UNC13B: variants seen among roughly 807,000 people sequenced by gnomAD.
The protein encoded by UNC13B is unc-13 homolog B.
A neutral mutation model predicts 211.0 loss-of-function variants in UNC13B; 144 were observed. The ratio of observed to expected loss-of-function variants is 0.68; its 90% confidence interval spans 0.60 to 0.78. The LOEUF (loss-of-function observed/expected upper bound fraction) is 0.78. UNC13B is among the 30% of genes least tolerant of loss of function. UNC13B has a pLI of 0.00. For missense variants in UNC13B, 1,777 were observed against 2,002.0 expected (o/e 0.89, Z 2.14); for synonymous variants, 709 against 725.8 (o/e 0.98, Z 0.37).
At position 35,298,729 on chromosome 9, in the gene UNC13B, C is replaced by T. The variant is rs539657002; in HGVS notation, c.762-1437C>T. On this transcript the variant is annotated intron_variant, in intron 8 of 39. Transcript: ENST00000635942. ...AAGAACACACTGAACTCATAAGCTC[C>T]TAGCCTTTAGGTTCTTTCTCCATCC... 1.1e-4 allele frequency among the ~76,000 whole-genome samples: 17 copies of T among 152,238 alleles called. No individual in the cohort carries two copies. The East Asian group carries it at 3.1e-3, about 28-fold the overall frequency.
intron 1 of UNC13B, among the ~76,000 whole-genome samples, chr9:35,210,860 AT>A (rs1823928644): frequency 6.6e-6 from 1 of 152,102 alleles, no homozygotes; most frequent in South Asian, 2.1e-4. Context: ...GTTAGTGGTC[AT>A]TGTTGCAGAA....
In UNC13B at chr9:35,306,211, TA is replaced by T; in HGVS notation, c.6808del (p.Ser2270AlafsTer2). On this transcript the variant is annotated frameshift_variant, in exon 9 of 40. Coordinates refer to ENST00000635942, the MANE Select transcript of UNC13B (RefSeq NM_001371189.2). LOFTEE classifies it high-confidence loss of function. The part of the protein sequence containing the change: ...TRESSSGHRD[S>X]IAQEVVHEQQ... ...GAGAAAGTTCCAGTGGTCATAGAGA[TA>T]GCATAGCCCAAGAAGTAGTTCATGA... 2.5e-6 allele frequency: 1 copy of T among 399,036 alleles called. No homozygotes were observed. The highest frequency in any genetic ancestry group is 4.4e-6 in the Non-Finnish European group (1 of 226,048). 24.7% of individuals were successfully genotyped at this position (399,036 alleles called of 1,614,324 possible). A position where few individuals can be genotyped will look rare whatever the true frequency, so the allele number is the denominator to read the frequency against.
Position 35,303,054 on chromosome 9 carries a change from A to G in UNC13B, c.3650A>G (p.Asp1217Gly). The G allele has an allele frequency of 2.5e-6, 1 of 398,776 alleles. No individual in the cohort carries two copies. The highest frequency in any genetic ancestry group is 4.4e-6 in the Non-Finnish European group (1 of 225,810). 24.7% of individuals were successfully genotyped at this position (398,776 alleles called of 1,614,324 possible). Residue 1217 changes from aspartate (D) to glycine (G), a missense_variant, in exon 9 of 40, where the codon GAT becomes GGT. Physicochemically the swap from Asp to Gly is moderately conservative, Grantham distance 94 (BLOSUM62 -1). Coordinates refer to ENST00000635942, the MANE Select transcript of UNC13B (RefSeq NM_001371189.2). ...GGCAACATGAAGAGTTTGAATGGAG[A>G]TAACCATTTATCCTTGGATGAGGTC... The part of the protein sequence containing the change: ...SLGNMKSLNG[D>G]NHLSLDEVPA...
At chr9:35,263,410 C>G (rs10972414) in intron 7 of UNC13B, among the ~76,000 whole-genome samples, 1 of 151,466 alleles carries the variant, frequency 6.6e-6, no homozygotes, top group African/African-American at 2.4e-5. Context: ...GACCCCTGCA[C>G]GTACCAAAAT....
chr9:35,348,440 A>G (rs1362927257), intron 11 of UNC13B, among the ~76,000 whole-genome samples: 1 of 152,226 alleles, frequency 6.6e-6, no homozygotes, highest in East Asian at 1.9e-4. Flanking sequence ...CTTAAAAAGA[A>G]AACTTCTAGG....
intron 11 of UNC13B, chr9:35,361,385 G>T (rs1051497050): frequency 6.6e-6 from 1 of 152,132 alleles, no homozygotes; most frequent in African/African-American, 2.4e-5. Context: ...TTTGTCCAAC[G>T]GGTAGGACAA....
intron 11 of UNC13B, among the ~76,000 whole-genome samples, chr9:35,331,126 T>A (rs1480745585): frequency 6.6e-6 from 1 of 152,212 alleles, no homozygotes; most frequent in Non-Finnish European, 1.5e-5. Flanking sequence ...TATTTGACCA[T>A]CCAACCAATG....
At chr9:35,351,461 C>T in intron 11 of UNC13B, 1 of 1,231,636 alleles carries the variant, frequency 8.1e-7, no homozygotes, top group East Asian at 3.2e-5. Context: ...AAGGTAATCT[C>T]TATTAAGCAT....
At chr9:35,396,406 G>A in intron 26 of UNC13B, 70 bp from the exon 27 acceptor site, 7 of 1,598,378 alleles carry the variant, frequency 4.4e-6, no homozygotes, top group Non-Finnish European at 6.0e-6. Flanking sequence ...CAGATCTGCT[G>A]CCTTGGGAAG....
chr9:35,347,425 G>T (rs1163102293), intron 11 of UNC13B, among the ~76,000 whole-genome samples: 1 of 152,204 alleles, frequency 6.6e-6, no homozygotes, highest in African/African-American at 2.4e-5. Context: ...AGCAAAGAGA[G>T]GCTGGGAAGG....
chr9:35,385,277 T>C (rs575317628), intron 22 of UNC13B: 30 of 985,462 alleles, frequency 3.0e-5, no homozygotes, highest in Middle Eastern at 5.2e-4. Flanking sequence ...CTGGGTTCTA[T>C]TGTACAAAAA....
chr9:35,183,285 G>A (rs1052510565), intron 1 of UNC13B, among the ~76,000 whole-genome samples: 1 of 120,644 alleles, frequency 8.3e-6, no homozygotes, highest in Admixed American at 8.1e-5. Context: ...AGGCGGGGTG[G>A]CCGGGCAGAG....
intron 8 of UNC13B, among the ~76,000 whole-genome samples, chr9:35,299,644 T>A (rs570494830): frequency 6.6e-6 from 1 of 152,342 alleles, no homozygotes; most frequent in South Asian, 2.1e-4. Flanking sequence ...TTTTCTCATA[T>A]GGAATAAACT....
intron 3 of UNC13B, 23 bp downstream of exon 3, chr9:35,231,242 G>A (rs763197603): frequency 9.7e-6 from 14 of 1,444,120 alleles, no homozygotes; most frequent in Admixed American, 1.7e-5. Context: ...CAGCAGCAGT[G>A]TGCCTACATA....
At chr9:35,353,873 CATGAG>C in intron 11 of UNC13B, 1 of 1,077,832 alleles carries the variant, frequency 9.3e-7, no homozygotes, top group African/African-American at 1.6e-5. Flanking sequence ...ATCTGGCCAG[CATGAG>C]ACCTGGTGTG....
chr9:35,385,914 C>T, intron 23 of UNC13B, 101 bp downstream of exon 23: 1 of 1,476,098 alleles, frequency 6.8e-7, no homozygotes, highest in Non-Finnish European at 9.2e-7. Context: ...CTACAGGATT[C>T]ATCACCTCTA....
At chr9:35,194,656 A>G (rs1176882111) in intron 1 of UNC13B, among the ~76,000 whole-genome samples, 1 of 152,262 alleles carries the variant, frequency 6.6e-6, no homozygotes, top group South Asian at 2.1e-4. Flanking sequence ...ATTTAGTTCT[A>G]AAGTGGAGGC....
At chr9:35,311,877 G>A (rs1008029914) in intron 10 of UNC13B, among the ~76,000 whole-genome samples, 2 of 152,120 alleles carry the variant, frequency 1.3e-5, no homozygotes, top group Non-Finnish European at 2.9e-5. Flanking sequence ...TCATAATGAA[G>A]CTGAGTACAG....
chr9:35,303,256 C>T lies in UNC13B; in HGVS notation c.3852C>T (p.His1284=), dbSNP rs1829772393. ...TEKNQQSEKH[H]PSSENIVLHC... ...AAAACCAGCAAAGTGAAAAGCATCA[C>T]CCCTCCTCTGAGAACATTGTACTTC... The change falls in exon 9 of 40, where the codon CAC becomes CAT. Residue 1284 remains histidine (H), a synonymous_variant. Transcript: ENST00000635942. 2.5e-6 allele frequency: 1 copy of T among 398,350 alleles called. No homozygotes were observed. Among genetic ancestry groups the T allele is most frequent in the Non-Finnish European group, 4.4e-6 (1 of 225,732 alleles). The allele number at this position is 398,350 out of a possible 1,614,324, so 24.7% of individuals were successfully genotyped here.
Sources: allele counts gnomAD v4.1 joint callset (sites outside exome capture counted in the v4.1 genomes callset), GRCh38; gene constraint gnomAD v4.1.1; transcripts MANE v1.5; gene names NCBI Gene and HGNC (gene_info 2026-07-23, HGNC 2026-07-21).